Variants in CTNND1 observed in about 807,000 individuals in gnomAD.
CTNND1 encodes the protein catenin delta-1.
Under a neutral mutation model 112.1 loss-of-function variants are expected in CTNND1, and 16 were observed. The observed-to-expected ratio is 0.14, with a 90% CI of 0.10 to 0.22. The LOEUF (loss-of-function observed/expected upper bound fraction) is 0.22, where lower values mean the gene tolerates loss of function less well. CTNND1 is among the 10% of genes least tolerant of loss of function. The pLI, the probability that CTNND1 is intolerant of heterozygous loss-of-function variation, is 1.00. For synonymous variants in CTNND1, 420 were observed against 446.5 expected (o/e 0.94, Z 0.75); for missense variants, 1,008 against 1,257.0 (o/e 0.80, Z 3.00).
At chr11:57,795,140 G>T (rs1253360295) in intron 4 of CTNND1, among the ~76,000 whole-genome samples, 1 of 152,214 alleles carries the variant, frequency 6.6e-6, no homozygotes, top group Non-Finnish European at 1.5e-5. Context: ...GCTCCAGTGA[G>T]CTATGATCAT....
At chr11:57,814,413 T>C in intron 18 of CTNND1, 40 bp downstream of exon 18, 1 of 1,494,790 alleles carries the variant, frequency 6.7e-7, no homozygotes, top group Non-Finnish European at 9.3e-7. Context: ...GGAGTAATAT[T>C]TCACTGGCTA....
chr11:57,804,549 A>T, intron 8 of CTNND1, 114 bp from the exon 9 acceptor site: 1 of 751,710 alleles, frequency 1.3e-6, no homozygotes, highest in Non-Finnish European at 2.2e-6. Context: ...TATAATAGGT[A>T]TTTACTATTA....
chr11:57,803,995 G>A (rs2062338994), intron 8 of CTNND1, 191 bp downstream of exon 8: 1 of 442,700 alleles, frequency 2.3e-6, no homozygotes, highest in Non-Finnish European at 3.9e-6. Context: ...ACCTATATCA[G>A]TTTTCTTGCT....
At chr11:57,800,512 C>T (rs2061895640) in intron 6 of CTNND1, among the ~76,000 whole-genome samples, 1 of 152,180 alleles carries the variant, frequency 6.6e-6, no homozygotes, top group Admixed American at 6.5e-5. Flanking sequence ...AGGTAATCCG[C>T]CCACTGCAGC....
At chr11:57,768,464 G>A (rs1233649583) in intron 1 of CTNND1, among the ~76,000 whole-genome samples, 1 of 136,246 alleles carries the variant, frequency 7.3e-6, no homozygotes, top group Admixed American at 8.6e-5. Flanking sequence ...CGCGATCTCG[G>A]CTCACTGCAA....
intron 6 of CTNND1, among the ~76,000 whole-genome samples, chr11:57,797,390 C>T (rs904394951): frequency 6.7e-6 from 1 of 148,198 alleles, no homozygotes; most frequent in Non-Finnish European, 1.5e-5. Flanking sequence ...ACCATCACGC[C>T]TGGCTAATTT....
chr11:57,815,377 T>C lies in CTNND1; in HGVS notation c.2702-17T>C. 1 of 1,354,120 alleles carries C rather than the reference T, an allele frequency of 7.4e-7. No individual in the cohort carries two copies. The highest frequency in any genetic ancestry group is 1.0e-6 in the Non-Finnish European group (1 of 990,816). 83.9% of individuals were successfully genotyped at this position (1,354,120 alleles called of 1,614,324 possible). A position where few individuals can be genotyped will look rare whatever the true frequency, so the allele number is the denominator to read the frequency against. On this transcript the variant is annotated splice_polypyrimidine_tract_variant and intron_variant, in intron 18 of 20. Coordinates refer to ENST00000399050, the MANE Select transcript of CTNND1 (RefSeq NM_001085458.2). ...GGGGAATGTCATATTTCTGTGTACT[T>C]TTTTTTTTTTAACCAGATAACAACT...
rs2062970734 is a variant in CTNND1, at chr11:57,808,537, A to G, written c.2239A>G (p.Ile747Val). Residue 747 changes from isoleucine to valine, a missense_variant, in exon 14 of 21, where the codon ATT becomes GTT. Transcript: ENST00000399050. The stretch of plus-strand genomic sequence containing the variant: ...TGTGGATGCTCGCAACAAAGAATTA[A>G]TTGGTGAGGAGTTGAATGCTAACTG... The part of the protein sequence containing the change: ...LAVDARNKEL[I>V]GKHAIPNLVK... 9 of 1,596,760 alleles carry G rather than the reference A, an allele frequency of 5.6e-6. No homozygotes were observed. The East Asian group carries it at 1.6e-4, about 28-fold the overall frequency.
chr11:57,817,048 T>G lies in CTNND1; in HGVS notation c.*740T>G, dbSNP rs559854671. ...ACACAGGCTGTCCTTAACCCACCTC[T>G]CCTGCCCTGTGATATGTCTGCTGAG... On this transcript the variant is annotated 3_prime_UTR_variant, in exon 21 of 21. Coordinates refer to ENST00000399050, the MANE Select transcript of CTNND1 (RefSeq NM_001085458.2). The G allele has an allele frequency of 6.5e-6, 1 of 153,188 alleles. No individual in the cohort carries two copies. The highest frequency in any genetic ancestry group is 2.4e-5 in the African/African-American group (1 of 41,570). 9.5% of individuals were successfully genotyped at this position (153,188 alleles called of 1,614,324 possible).
chr11:57,789,087 A>G lies in CTNND1; in HGVS notation c.-163A>G. 1.3e-6 allele frequency: 2 copies of G among 1,535,588 alleles called. No individual in the cohort carries two copies. The highest frequency in any genetic ancestry group is 1.7e-6 in the Non-Finnish European group (2 of 1,146,866). On this transcript the variant is annotated 5_prime_UTR_variant, in exon 2 of 21. An upstream start codon of the reference 5' UTR is lost. Coordinates refer to ENST00000399050, the MANE Select transcript of CTNND1 (RefSeq NM_001085458.2). ...CTGTGGTGGCTGGGATGCTTCTTCC[A>G]TGATTTTTTGAATCTAGACTGGGCT...
At chr11:57,811,273 ACT>A (rs1429406910) in intron 16 of CTNND1, 124 bp from the exon 17 acceptor site, 1 of 680,836 alleles carries the variant, frequency 1.5e-6, no homozygotes, top group Non-Finnish European at 2.6e-6. Flanking sequence ...TATTTATTCA[ACT>A]CTTATAAGTT....
chr11:57,776,727 A>T (rs753601463), intron 1 of CTNND1, among the ~76,000 whole-genome samples: 3 of 152,276 alleles, frequency 2.0e-5, no homozygotes, highest in Middle Eastern at 3.4e-3. Flanking sequence ...AGTTGGCTAT[A>T]CTTGTCGTCT....
intron 1 of CTNND1, among the ~76,000 whole-genome samples, chr11:57,780,587 C>G (rs2059473023): frequency 6.6e-6 from 1 of 152,144 alleles, no homozygotes; most frequent in African/African-American, 2.4e-5. Flanking sequence ...AGGGGAAGAG[C>G]AATAATGCAC....
chr11:57,782,102 G>T (rs1252928387), intron 1 of CTNND1, among the ~76,000 whole-genome samples: 1 of 151,938 alleles, frequency 6.6e-6, no homozygotes, highest in African/African-American at 2.4e-5. Context: ...AGGATTATAA[G>T]ACTAAAGGGA....
rs922887625 is a variant in CTNND1 at position 57,794,223 on chromosome 11, G to A, written c.267+142G>A. ...AGTTTCTTTTATTTACGAAAACAAAGAAGTGGAGCTCCAAAGTATATATGC... is the reference window on the plus strand; with the variant it reads ...AGTTTCTTTTATTTACGAAAACAAAAAAGTGGAGCTCCAAAGTATATATGC... On this transcript the variant is annotated intron_variant, in intron 4 of 20. Coordinates refer to ENST00000399050, the MANE Select transcript of CTNND1 (RefSeq NM_001085458.2). The A allele has an allele frequency of 1.1e-4, 77 of 709,056 alleles. 1 individual carries two copies. The Admixed American group carries it at 2.0e-3, about 18-fold the overall frequency. The allele number at this position is 709,056 out of a possible 1,614,324, so 43.9% of individuals were successfully genotyped here. A position where few individuals can be genotyped will look rare whatever the true frequency, so the allele number is the denominator to read the frequency against.
At position 57,816,123 on chromosome 11, in the gene CTNND1, C is replaced by T. The variant is rs572748487; in HGVS notation, c.2895+122C>T. The T allele has an allele frequency of 1.4e-3, 1,636 of 1,135,608 alleles. 4 individuals are homozygous for T. The highest frequency in any genetic ancestry group is 1.9e-3 in the Non-Finnish European group (1,515 of 780,632). The allele number at this position is 1,135,608 out of a possible 1,614,324, so 70.3% of individuals were successfully genotyped here. On this transcript the variant is annotated intron_variant, in intron 20 of 20. Coordinates refer to ENST00000399050, the MANE Select transcript of CTNND1 (RefSeq NM_001085458.2). Reference sequence around the variant, plus strand: ...TAAGTAGTCTCAGCCACATGGGGCTCGAGGGGTTCTGCTTTTGTGATTATT... The same window carrying T: ...TAAGTAGTCTCAGCCACATGGGGCTTGAGGGGTTCTGCTTTTGTGATTATT...
At chr11:57,791,088 T>C (rs1056351267) in intron 2 of CTNND1, among the ~76,000 whole-genome samples, 7 of 152,134 alleles carry the variant, frequency 4.6e-5, no homozygotes, top group African/African-American at 1.7e-4. Flanking sequence ...GGAAAAATAA[T>C]CCAATCTCAT....
chr11:57,774,166 G>A (rs967203780), intron 1 of CTNND1, among the ~76,000 whole-genome samples: 6 of 152,174 alleles, frequency 3.9e-5, no homozygotes, highest in African/African-American at 1.4e-4. Context: ...AGTGTCAGAG[G>A]TAACCACTTG....
chr11:57,812,687 A>G (rs2063507161), intron 17 of CTNND1, among the ~76,000 whole-genome samples: 1 of 151,884 alleles, frequency 6.6e-6, no homozygotes, highest in Admixed American at 6.6e-5. Context: ...TTAATTGTTT[A>G]TTTATTTATT....
Sources: allele counts gnomAD v4.1 joint callset (sites outside exome capture counted in the v4.1 genomes callset), GRCh38; gene constraint gnomAD v4.1.1; transcripts MANE v1.5; gene names NCBI Gene and HGNC (gene_info 2026-07-23, HGNC 2026-07-21).